The following DENND2C variants were observed in gnomAD, a reference collection of about 807,000 sequenced individuals.
DENND2C encodes DENN domain containing 2C, also known as DENN domain-containing protein 2C.
Under a neutral mutation model 112.4 loss-of-function variants are expected in DENND2C, and 72 were observed. That is an observed-to-expected ratio of 0.64 (90% CI 0.53 to 0.78). The LOEUF is 0.78. Among genes scored for constraint, DENND2C ranks in the 30% least tolerant of loss-of-function variants. The probability of loss-of-function intolerance (pLI) is 0.00; values close to 1 mark genes in which losing one functional copy is unlikely to be tolerated. For missense variants in DENND2C, 992 were observed against 1,113.8 expected (o/e 0.89, Z 1.56); for synonymous variants, 329 against 381.6 (o/e 0.86, Z 1.61).
chr1:114,598,647 A>C (rs1478038816), intron 16 of DENND2C, among the ~76,000 whole-genome samples: 1 of 151,920 alleles, frequency 6.6e-6, no homozygotes, highest in Non-Finnish European at 1.5e-5. Context: ...TGCTTTAACC[A>C]CTTATCTATA....
intron 1 of DENND2C, among the ~76,000 whole-genome samples, chr1:114,669,041 A>T (rs551731230): frequency 6.6e-6 from 1 of 152,290 alleles, no homozygotes; most frequent in South Asian, 2.1e-4. Context: ...ACACTCAAAC[A>T]ATGGGGGTCA....
chr1:114,610,589 A>G (rs930319794), intron 9 of DENND2C, among the ~76,000 whole-genome samples: 8 of 151,888 alleles, frequency 5.3e-5, no homozygotes, highest in Non-Finnish European at 1.5e-5. Flanking sequence ...AATCCCAGCT[A>G]CTCAGGAGGC....
rs186584441 is a variant in DENND2C, at chr1:114,630,052, C to T, written c.-204-3864G>A. Among the ~76,000 whole-genome samples the T allele has an allele frequency of 7.5e-3, 1,141 of 152,264 alleles. 8 individuals are homozygous for T. Among genetic ancestry groups the T allele is most frequent in the South Asian group, 0.029 (138 of 4,822 alleles). ...AAAACTGGCTGGGCGTGGTGGCTCA[C>T]GCCTGTAATCCCAGCACTTTGGGAG... On this transcript the variant is annotated intron_variant, in intron 3 of 20. Coordinates refer to ENST00000393274, the MANE Select transcript of DENND2C (RefSeq NM_001256404.2).
At chr1:114,661,005 G>A (rs1657473860) in intron 1 of DENND2C, among the ~76,000 whole-genome samples, 1 of 151,552 alleles carries the variant, frequency 6.6e-6, no homozygotes, top group African/African-American at 2.4e-5. Context: ...CAGTTACTCA[G>A]GAGGTTGAGG....
chr1:114,624,318 T>C (rs1437060407), intron 4 of DENND2C, among the ~76,000 whole-genome samples: 1 of 152,182 alleles, frequency 6.6e-6, no homozygotes, highest in African/African-American at 2.4e-5. Context: ...TATGTTATTT[T>C]AGAGGCAGGG....
chr1:114,587,159 C>T (rs1373364971), intron 20 of DENND2C: 1 of 502,330 alleles, frequency 2.0e-6, no homozygotes, highest in Non-Finnish European at 3.6e-6. Context: ...GCCTCAGCCT[C>T]CCAAAGTGCT....
intron 2 of DENND2C, among the ~76,000 whole-genome samples, chr1:114,654,114 T>C (rs1339860972): frequency 6.6e-6 from 1 of 152,180 alleles, no homozygotes; most frequent in African/African-American, 2.4e-5. Flanking sequence ...AATTTTCTTT[T>C]GGTTTATCTG....
chr1:114,644,217 A>G (rs937582043), intron 3 of DENND2C, among the ~76,000 whole-genome samples: 6 of 152,152 alleles, frequency 3.9e-5, no homozygotes, highest in Admixed American at 2.0e-4. Flanking sequence ...TGTTCATTCT[A>G]TCTAAAATAA....
intron 4 of DENND2C, among the ~76,000 whole-genome samples, chr1:114,624,454 ATTTTTTC>A (rs1468373727): frequency 8.0e-6 from 1 of 124,558 alleles, no homozygotes; most frequent in African/African-American, 3.0e-5. Flanking sequence ...CACCTGGCTA[ATTTTTTC>A]TTTTTTCTTT....
intron 16 of DENND2C, among the ~76,000 whole-genome samples, chr1:114,598,952 G>C (rs1655418838): frequency 6.6e-6 from 1 of 152,090 alleles, no homozygotes; most frequent in South Asian, 2.1e-4. Flanking sequence ...CAAAGTGCTG[G>C]GATTACAGGC....
intron 3 of DENND2C, among the ~76,000 whole-genome samples, chr1:114,636,954 T>G (rs940783052): frequency 4.6e-5 from 7 of 151,270 alleles, no homozygotes; most frequent in Non-Finnish European, 8.9e-5. Flanking sequence ...CATAAAAACA[T>G]GAAACATTGG....
chr1:114,620,522 C>T (rs1358860904), intron 7 of DENND2C, among the ~76,000 whole-genome samples: 1 of 152,128 alleles, frequency 6.6e-6, no homozygotes, highest in African/African-American at 2.4e-5. Flanking sequence ...ATTATAAGAA[C>T]CACATCTTAA....
intron 18 of DENND2C, among the ~76,000 whole-genome samples, chr1:114,591,694 TG>T (rs1490070447): frequency 1.3e-5 from 2 of 152,002 alleles, no homozygotes; most frequent in African/African-American, 4.8e-5. Flanking sequence ...ACCCCACCAC[TG>T]TTTTATTGAC....
chr1:114,640,553 A>T lies in DENND2C; in HGVS notation c.-205+4895T>A, dbSNP rs12569331. Among the ~76,000 whole-genome samples the T allele has an allele frequency of 3.0e-4, 45 of 152,286 alleles. No homozygotes were observed. The East Asian group carries it at 8.5e-3, about 29-fold the overall frequency. ...TCAGAGGTGTGTGCATGTGTGTGTGACCATGGTGGGGTATGGTCAGAAACT... is the reference window on the plus strand; with the variant it reads ...TCAGAGGTGTGTGCATGTGTGTGTGTCCATGGTGGGGTATGGTCAGAAACT... On this transcript the variant is annotated intron_variant, in intron 3 of 20. Transcript: ENST00000393274.
At chr1:114,643,250 A>G (rs1460870427) in intron 3 of DENND2C, among the ~76,000 whole-genome samples, 2 of 152,320 alleles carry the variant, frequency 1.3e-5, no homozygotes, top group East Asian at 3.9e-4. Flanking sequence ...GTGTCAGGGA[A>G]AAAAATGAAC....
rs1019048745 is a variant in DENND2C at position 114,662,700 on chromosome 1, G to A, written c.-574+7283C>T. ...AATAGGGGCCAGGCATAATGGCTTC[G>A]TACCCCCAGCGCTTTGGGAGGCTGA... is the stretch of plus-strand genomic sequence containing the variant. On this transcript the variant is annotated intron_variant, in intron 1 of 20. Transcript: ENST00000393274. Among the ~76,000 whole-genome samples the A allele has an allele frequency of 5.3e-5, 8 of 151,968 alleles. No individual in the cohort carries two copies. In the South Asian group the frequency reaches 6.2e-4, roughly 12 times the overall value.
intron 6 of DENND2C, among the ~76,000 whole-genome samples, 181 bp downstream of exon 6, chr1:114,622,803 CAAA>C (rs370119447): frequency 3.0e-5 from 3 of 100,570 alleles, no homozygotes; most frequent in Non-Finnish European, 2.2e-5. Context: ...AAACAACAAC[CAAA>C]AAAAAAAAAA....
At chr1:114,617,411 A>G (rs192302115) in intron 8 of DENND2C, among the ~76,000 whole-genome samples, 2 of 152,260 alleles carry the variant, frequency 1.3e-5, no homozygotes, top group East Asian at 3.9e-4. Context: ...CCTGGGTTCA[A>G]GTGATTCTCC....
At chr1:114,601,101 A>G in intron 13 of DENND2C, 141 bp from the exon 14 acceptor site, 1 of 921,706 alleles carries the variant, frequency 1.1e-6, no homozygotes, top group Non-Finnish European at 1.5e-6. Context: ...TGCAATCAAT[A>G]AAAGTTAAAT....
Sources: allele counts gnomAD v4.1 joint callset (sites outside exome capture counted in the v4.1 genomes callset), GRCh38; gene constraint gnomAD v4.1.1; transcripts MANE v1.5; gene names NCBI Gene and HGNC (gene_info 2026-07-23, HGNC 2026-07-21).